LINGO2: variants seen among roughly 807,000 people sequenced by gnomAD.
LINGO2 encodes the protein leucine rich repeat and Ig domain containing 2.
In LINGO2, 14 loss-of-function variants were observed where a neutral mutation model predicts 30.6. The observed-to-expected ratio is 0.46, with a 90% CI of 0.30 to 0.72. LINGO2 has a LOEUF of 0.72. LINGO2 is among the 30% of genes least tolerant of loss of function. LINGO2 has a pLI of 0.07. For missense variants in LINGO2, 729 were observed against 751.7 expected, an observed-to-expected ratio of 0.97 and a Z score of 0.35; for synonymous variants, 317 against 288.5, an observed-to-expected ratio of 1.10 and a Z score of -1.00.
intron 3 of LINGO2, among the ~76,000 whole-genome samples, chr9:28,312,068 G>T (rs138718201): frequency 3.3e-5 from 5 of 151,902 alleles, no homozygotes; most frequent in South Asian, 2.1e-4. Flanking sequence ...AACAAGTAAG[G>T]CTTCTTCTGA....
the LINGO2 span, among the ~76,000 whole-genome samples, chr9:28,802,904 A>G: frequency 6.6e-6 from 1 of 151,970 alleles, no homozygotes; most frequent in Non-Finnish European, 1.5e-5. Flanking sequence ...ACTTCAGGAT[A>G]TTGTCACCTT....
At chr9:29,185,658 CA>C in the LINGO2 span, among the ~76,000 whole-genome samples, 1 of 152,114 alleles carries the variant, frequency 6.6e-6, no homozygotes, top group Non-Finnish European at 1.5e-5. Flanking sequence ...GGAATTTAGA[CA>C]AAGCAGAGTG....
At chr9:28,388,124 T>C (rs1340208665) in intron 2 of LINGO2, among the ~76,000 whole-genome samples, 1 of 152,220 alleles carries the variant, frequency 6.6e-6, no homozygotes, top group African/African-American at 2.4e-5. Context: ...TTTTACTACA[T>C]TGGTTAATAA....
chr9:28,878,601 C>A, the LINGO2 span, among the ~76,000 whole-genome samples: 1 of 152,164 alleles, frequency 6.6e-6, no homozygotes, highest in Admixed American at 6.5e-5. Flanking sequence ...AAAATACTGG[C>A]AAACCGAATC....
At chr9:28,823,859 T>C in the LINGO2 span, among the ~76,000 whole-genome samples, 1 of 152,178 alleles carries the variant, frequency 6.6e-6, no homozygotes, top group Non-Finnish European at 1.5e-5. Flanking sequence ...CTCAGGTGTG[T>C]ATATTGACTG....
chr9:27,958,802 C>A (rs190926706), intron 5 of LINGO2, among the ~76,000 whole-genome samples: 1 of 152,032 alleles, frequency 6.6e-6, no homozygotes, highest in African/African-American at 2.4e-5. Flanking sequence ...TCTCACAAAG[C>A]CAGTTAGAAA....
At chr9:28,854,551 C>T in the LINGO2 span, among the ~76,000 whole-genome samples, 6 of 151,818 alleles carry the variant, frequency 4.0e-5, no homozygotes, top group African/African-American at 1.4e-4. Flanking sequence ...ATTTTATGAG[C>T]GTTAATGGAA....
intron 4 of LINGO2, among the ~76,000 whole-genome samples, chr9:28,099,472 T>C (rs546560669): frequency 7.9e-5 from 12 of 152,260 alleles, no homozygotes; most frequent in Middle Eastern, 6.8e-3. Context: ...TCTTCTCCCT[T>C]TTTTCCTACA....
chr9:28,511,621 G>C (rs1820389524), intron 1 of LINGO2, among the ~76,000 whole-genome samples: 1 of 152,122 alleles, frequency 6.6e-6, no homozygotes, highest in South Asian at 2.1e-4. Context: ...ACTCATATGG[G>C]ATACAAATAT....
the LINGO2 span, among the ~76,000 whole-genome samples, chr9:28,857,694 T>C: frequency 0.043 from 6,554 of 152,178 alleles, 217 homozygotes; most frequent in Admixed American, 0.084. Context: ...ATATGAAATA[T>C]GGTTAGTCCA....
the LINGO2 span, among the ~76,000 whole-genome samples, chr9:29,086,224 T>A: frequency 6.6e-6 from 1 of 152,172 alleles, no homozygotes; most frequent in Non-Finnish European, 1.5e-5. Flanking sequence ...GAGGACCTCT[T>A]GTGAGGGATG....
At chr9:29,052,605 T>C in the LINGO2 span, among the ~76,000 whole-genome samples, 1 of 152,172 alleles carries the variant, frequency 6.6e-6, no homozygotes, top group African/African-American at 2.4e-5. Context: ...TCTGTTGAAG[T>C]AACATATGGT....
At chr9:29,158,194 C>A in the LINGO2 span, among the ~76,000 whole-genome samples, 27,226 of 133,630 alleles carry the variant, frequency 0.2, 2,672 homozygotes, top group East Asian at 0.4. Context: ...TAAAAAAAAA[C>A]AAAAAAAAAA....
the LINGO2 span, among the ~76,000 whole-genome samples, chr9:29,013,427 T>C: frequency 6.6e-6 from 1 of 152,084 alleles, no homozygotes; most frequent in Non-Finnish European, 1.5e-5. Context: ...GCTCTTTAGT[T>C]GCTATAGCTA....
intron 2 of LINGO2, among the ~76,000 whole-genome samples, chr9:28,434,695 A>G (rs1309176951): frequency 6.6e-6 from 1 of 152,118 alleles, no homozygotes. Flanking sequence ...TTTACTTTAA[A>G]TGAGAAGGCC....
chr9:28,997,649 C>T, the LINGO2 span, among the ~76,000 whole-genome samples: 1 of 151,984 alleles, frequency 6.6e-6, no homozygotes, highest in Non-Finnish European at 1.5e-5. Flanking sequence ...CAGTGAGACC[C>T]CGTCTCTCTT....
At chr9:28,781,527 G>A in the LINGO2 span, among the ~76,000 whole-genome samples, 2 of 152,068 alleles carry the variant, frequency 1.3e-5, no homozygotes, top group Admixed American at 6.6e-5. Context: ...TCCTGCTTTA[G>A]AAAAGGAAGC....
intron 3 of LINGO2, among the ~76,000 whole-genome samples, chr9:28,338,298 C>A (rs1017202956): frequency 6.6e-6 from 1 of 152,178 alleles, no homozygotes; most frequent in Non-Finnish European, 1.5e-5. Flanking sequence ...CCATTTGGAA[C>A]AGGTGTATTT....
chr9:28,811,169 T>C, the LINGO2 span, among the ~76,000 whole-genome samples: 1 of 152,110 alleles, frequency 6.6e-6, no homozygotes, highest in Non-Finnish European at 1.5e-5. Flanking sequence ...TCCAATAATA[T>C]AGAGTTTTTC....
Sources: allele counts gnomAD v4.1 joint callset (sites outside exome capture counted in the v4.1 genomes callset), GRCh38; gene constraint gnomAD v4.1.1; transcripts MANE v1.5; gene names NCBI Gene and HGNC (gene_info 2026-07-23, HGNC 2026-07-21).